Variants in LRRC4C observed in about 807,000 individuals in gnomAD.
LRRC4C encodes the protein leucine-rich repeat-containing protein 4C.
In LRRC4C, 5 loss-of-function variants were observed where a neutral mutation model predicts 33.6. The observed-to-expected ratio is 0.15, with a 90% CI of 0.08 to 0.31. The LOEUF is 0.31. Ranked by LOEUF, LRRC4C falls within the 10% of genes least tolerant of loss-of-function variation. LRRC4C has a pLI of 1.00. For missense variants in LRRC4C, 560 were observed against 796.7 expected (o/e 0.70, Z 3.58); for synonymous variants, 329 against 302.0 (o/e 1.09, Z -0.93).
rs527875059 is a variant in LRRC4C at position 40,845,570 on chromosome 11, C to T, written c.-407+88065G>A. On this transcript the variant is annotated intron_variant, in intron 2 of 6. Transcript: ENST00000528697. ...ATATATGTGCCATATTTTCTTTATC[C>T]GGCCTAACATTAATGGACATTTGTG... 1.1e-4 allele frequency among the ~76,000 whole-genome samples: 17 copies of T among 152,192 alleles called. No individual in the cohort carries two copies. The East Asian group carries it at 2.1e-3, about 19-fold the overall frequency.
chr11:40,742,421 T>C (rs1224898866), intron 2 of LRRC4C, among the ~76,000 whole-genome samples: 1 of 152,054 alleles, frequency 6.6e-6, no homozygotes, highest in Non-Finnish European at 1.5e-5. Context: ...TAAGGCAGCT[T>C]CCTTTGTCAA....
At chr11:40,699,065 T>C (rs557075240) in intron 2 of LRRC4C, among the ~76,000 whole-genome samples, 19 of 152,254 alleles carry the variant, frequency 1.2e-4, no homozygotes, top group African/African-American at 4.3e-4. Flanking sequence ...TCATCCCCTG[T>C]CCCACCACAC....
intron 1 of LRRC4C, among the ~76,000 whole-genome samples, chr11:41,062,770 G>C (rs1222322328): frequency 6.6e-6 from 1 of 152,142 alleles, no homozygotes; most frequent in African/African-American, 2.4e-5. Flanking sequence ...GAATTGGCTA[G>C]GCCATCATCC....
At chr11:41,364,823 T>C (rs1205473054) in intron 1 of LRRC4C, among the ~76,000 whole-genome samples, 1 of 152,104 alleles carries the variant, frequency 6.6e-6, no homozygotes, top group Non-Finnish European at 1.5e-5. Context: ...AAAGAGAAAT[T>C]GGCTGGTGAA....
chr11:40,290,673 T>C (rs989831020), intron 4 of LRRC4C, among the ~76,000 whole-genome samples: 1 of 152,184 alleles, frequency 6.6e-6, no homozygotes, highest in African/African-American at 2.4e-5. Flanking sequence ...GAGTGCTGCC[T>C]TTCATCTCCT....
intron 1 of LRRC4C, among the ~76,000 whole-genome samples, chr11:41,313,315 T>G (rs1950694194): frequency 6.6e-6 from 1 of 152,240 alleles, no homozygotes; most frequent in Non-Finnish European, 1.5e-5. Context: ...TGTGTTAATT[T>G]TAATTAATGA....
intron 3 of LRRC4C, among the ~76,000 whole-genome samples, chr11:40,633,474 C>G (rs1963695329): frequency 6.6e-6 from 1 of 151,104 alleles, no homozygotes; most frequent in Admixed American, 6.6e-5. Flanking sequence ...CTGCAACCTC[C>G]TCCTCCTAGG....
intron 2 of LRRC4C, among the ~76,000 whole-genome samples, chr11:40,695,296 C>T (rs554044845): frequency 1.6e-3 from 249 of 152,226 alleles, no homozygotes; most frequent in African/African-American, 5.7e-3. Context: ...CTTACTTTCA[C>T]TTTTTTACCC....
intron 1 of LRRC4C, among the ~76,000 whole-genome samples, chr11:40,970,023 C>T (rs1851614326): frequency 6.6e-6 from 1 of 152,112 alleles, no homozygotes; most frequent in Non-Finnish European, 1.5e-5. Context: ...ATCATAAGAA[C>T]ATGCCAATGC....
chr11:40,826,054 AC>A (rs1206775236), intron 2 of LRRC4C, among the ~76,000 whole-genome samples: 1 of 151,736 alleles, frequency 6.6e-6, no homozygotes, highest in Non-Finnish European at 1.5e-5. Context: ...TCCACAAAGC[AC>A]TAAATAAGGG....
intron 2 of LRRC4C, among the ~76,000 whole-genome samples, chr11:40,809,166 A>C (rs1951376467): frequency 6.6e-6 from 1 of 152,084 alleles, no homozygotes; most frequent in African/African-American, 2.4e-5. Context: ...AACTTCTCAA[A>C]ATAGTTTACT....
intron 1 of LRRC4C, among the ~76,000 whole-genome samples, chr11:41,180,922 G>C (rs1945419689): frequency 6.6e-6 from 1 of 151,948 alleles, no homozygotes; most frequent in South Asian, 2.1e-4. Context: ...AAAAAAAAAT[G>C]GTTAGATCTT....
intron 1 of LRRC4C, among the ~76,000 whole-genome samples, chr11:41,340,464 G>T (rs983931279): frequency 6.6e-6 from 1 of 152,106 alleles, no homozygotes; most frequent in Non-Finnish European, 1.5e-5. Flanking sequence ...TTAAATTTGG[G>T]ATCTAGTTTC....
chr11:40,905,413 A>G (rs1956375359), intron 2 of LRRC4C, among the ~76,000 whole-genome samples: 1 of 151,938 alleles, frequency 6.6e-6, no homozygotes, highest in South Asian at 2.1e-4. Context: ...AAAAAGTACC[A>G]TCTTTGAGGC....
chr11:40,149,245 G>T (rs1484478439), intron 5 of LRRC4C, among the ~76,000 whole-genome samples: 2 of 152,078 alleles, frequency 1.3e-5, no homozygotes, highest in Non-Finnish European at 2.9e-5. Flanking sequence ...TATTTAATAG[G>T]AATATCAGTT....
At chr11:40,609,485 C>T (rs1331693610) in intron 3 of LRRC4C, among the ~76,000 whole-genome samples, 1 of 151,610 alleles carries the variant, frequency 6.6e-6, no homozygotes, top group Non-Finnish European at 1.5e-5. Context: ...CAATTTTGTA[C>T]CTCAACACAC....
At chr11:40,972,281 C>T (rs567393277) in intron 1 of LRRC4C, among the ~76,000 whole-genome samples, 8 of 152,060 alleles carry the variant, frequency 5.3e-5, no homozygotes, top group Admixed American at 3.3e-4. Context: ...GGATTACAAG[C>T]ATGTGCCAGC....
chr11:40,175,420 T>G (rs1860393901), intron 5 of LRRC4C, among the ~76,000 whole-genome samples: 1 of 152,214 alleles, frequency 6.6e-6, no homozygotes, highest in African/African-American at 2.4e-5. Context: ...AGTCAACAGC[T>G]GAATTCTTCT....
chr11:41,445,829 A>G (rs1214394105), intron 1 of LRRC4C, among the ~76,000 whole-genome samples: 4 of 140,584 alleles, frequency 2.8e-5, no homozygotes, highest in Non-Finnish European at 6.3e-5. Flanking sequence ...TCCAAGCAGG[A>G]AGAGGGAATC....
Sources: gnomAD v4.1 joint callset for allele counts (sites outside exome capture counted in the v4.1 genomes callset) on GRCh38, gnomAD v4.1.1 for gene constraint, MANE v1.5 for transcripts, NCBI Gene and HGNC (gene_info 2026-07-23, HGNC 2026-07-21) for gene names.